Variants in CDH13 observed in about 807,000 individuals in gnomAD.
CDH13 encodes cadherin-13.
Under a neutral mutation model 63.8 loss-of-function variants are expected in CDH13, and 24 were observed. The ratio of observed to expected loss-of-function variants is 0.38; its 90% CI spans 0.27 to 0.53. CDH13 has a LOEUF of 0.53. Among genes scored for constraint, CDH13 ranks in the 20% least tolerant of loss-of-function variants. The pLI is 0.85. For missense variants in CDH13, 1,049 were observed against 903.1 expected, an observed-to-expected ratio of 1.16 and a Z score of -2.07; for synonymous variants, 503 against 355.3, an observed-to-expected ratio of 1.42 and a Z score of -4.67.
intron 5 of CDH13, among the ~76,000 whole-genome samples, chr16:83,253,701 C>G (rs1249191185): frequency 6.6e-6 from 1 of 152,214 alleles, no homozygotes; most frequent in Admixed American, 6.5e-5. Context: ...AGTTAATACA[C>G]AGGACATGCT....
intron 1 of CDH13, among the ~76,000 whole-genome samples, chr16:82,787,673 G>A (rs62034553): frequency 0.051 from 7,834 of 152,218 alleles, 255 homozygotes; most frequent in Middle Eastern, 0.11. Flanking sequence ...AGAGGTGAAT[G>A]GGCTTTCACA....
At chr16:83,512,506 A>G (rs942009399) in intron 7 of CDH13, among the ~76,000 whole-genome samples, 1 of 150,814 alleles carries the variant, frequency 6.6e-6, no homozygotes, top group Non-Finnish European at 1.5e-5. Flanking sequence ...GATCTCTACT[A>G]AAAATACAAA....
intron 1 of CDH13, among the ~76,000 whole-genome samples, chr16:82,763,643 A>G (rs1262673860): frequency 1.3e-5 from 2 of 152,250 alleles, no homozygotes; most frequent in African/African-American, 4.8e-5. Flanking sequence ...TGTCTTTTCA[A>G]TAGATATATA....
chr16:83,271,322 A>T (rs1207066081), intron 5 of CDH13, among the ~76,000 whole-genome samples: 1 of 147,530 alleles, frequency 6.8e-6, no homozygotes, highest in Non-Finnish European at 1.5e-5. Flanking sequence ...ATCAGGGCAG[A>T]TCCCAGGCTG....
At chr16:83,273,922 A>G (rs1480602397) in intron 5 of CDH13, among the ~76,000 whole-genome samples, 1 of 152,158 alleles carries the variant, frequency 6.6e-6, no homozygotes, top group African/African-American at 2.4e-5. Context: ...GCAGGACCTC[A>G]GAGCTCTTAA....
At chr16:83,297,385 C>T (rs1036473367) in intron 5 of CDH13, among the ~76,000 whole-genome samples, 29 of 151,852 alleles carry the variant, frequency 1.9e-4, no homozygotes, top group African/African-American at 6.5e-4. Flanking sequence ...TATTATGTGT[C>T]AATTAAAAAA....
At chr16:83,483,387 A>G (rs914971630) in intron 6 of CDH13, among the ~76,000 whole-genome samples, 1 of 152,062 alleles carries the variant, frequency 6.6e-6, no homozygotes, top group Non-Finnish European at 1.5e-5. Context: ...GTGTTACATC[A>G]TGTTATCCAA....
intron 8 of CDH13, among the ~76,000 whole-genome samples, chr16:83,636,967 T>C (rs1486710341): frequency 6.6e-6 from 1 of 152,210 alleles, no homozygotes; most frequent in African/African-American, 2.4e-5. Context: ...TGGTGTGAGA[T>C]GGTAACTCAT....
Position 83,750,976 on chromosome 16 carries a change from TAAA to T in CDH13, c.1681+2739_1681+2741del, listed in dbSNP as rs11297972. The stretch of plus-strand genomic sequence containing the variant: ...GTAGCAAGTGCTTAACTTAACTATT[TAAA>T]AAAAAAAAAAAACAGGTAAAGCATT... On this transcript the variant is annotated intron_variant, in intron 11 of 13. Coordinates refer to ENST00000567109, the MANE Select transcript of CDH13 (RefSeq NM_001257.5). Among the ~76,000 whole-genome samples the T allele has an allele frequency of 3.6e-3, 527 of 147,988 alleles. 4 individuals carry two copies. The highest frequency in any genetic ancestry group is 0.014 in the Middle Eastern group (4 of 286).
intron 3 of CDH13, among the ~76,000 whole-genome samples, chr16:83,061,899 A>G (rs2031586037): frequency 6.6e-6 from 1 of 152,202 alleles, no homozygotes; most frequent in African/African-American, 2.4e-5. Flanking sequence ...ACAATAGTCC[A>G]GGAGATGCTT....
chr16:83,589,409 C>A (rs923932583), intron 7 of CDH13, among the ~76,000 whole-genome samples: 2 of 149,080 alleles, frequency 1.3e-5, no homozygotes, highest in African/African-American at 5.0e-5. Context: ...CATCACCCAT[C>A]TACTCCCGCT....
intron 10 of CDH13, among the ~76,000 whole-genome samples, chr16:83,704,727 C>T (rs911667256): frequency 6.6e-6 from 1 of 152,170 alleles, no homozygotes; most frequent in African/African-American, 2.4e-5. Flanking sequence ...GCTCATTTTT[C>T]ACCAAACTGA....
intron 1 of CDH13, among the ~76,000 whole-genome samples, chr16:82,700,203 C>T (rs1257250019): frequency 6.6e-6 from 1 of 152,174 alleles, no homozygotes; most frequent in Non-Finnish European, 1.5e-5. Flanking sequence ...TTCTCAGAGG[C>T]TTTAATCTGT....
At chr16:82,725,797 G>A (rs371865559) in intron 1 of CDH13, among the ~76,000 whole-genome samples, 11 of 152,152 alleles carry the variant, frequency 7.2e-5, no homozygotes, top group African/African-American at 2.7e-4. Context: ...ATGATAGCAA[G>A]ACTTACTTAT....
intron 10 of CDH13, among the ~76,000 whole-genome samples, chr16:83,696,471 A>G (rs10514593): frequency 0.8 from 121,333 of 151,864 alleles, 48,604 homozygotes; most frequent in Middle Eastern, 0.88. Context: ...GACGTCCTTC[A>G]AGCCCACACT....
chr16:83,628,175 G>T (rs148355406), intron 8 of CDH13, among the ~76,000 whole-genome samples: 2 of 152,164 alleles, frequency 1.3e-5, no homozygotes, highest in African/African-American at 4.8e-5. Flanking sequence ...AACCGCCTGG[G>T]AACGCAGCCC....
At chr16:82,706,256 C>A (rs1282296090) in intron 1 of CDH13, among the ~76,000 whole-genome samples, 2 of 152,152 alleles carry the variant, frequency 1.3e-5, no homozygotes, top group African/African-American at 4.8e-5. Flanking sequence ...CTGAACAGGG[C>A]AGATGTGGTT....
At chr16:83,419,627 A>AG (rs2071655392) in intron 6 of CDH13, among the ~76,000 whole-genome samples, 1 of 152,214 alleles carries the variant, frequency 6.6e-6, no homozygotes, top group Non-Finnish European at 1.5e-5. Flanking sequence ...TCCTACATAG[A>AG]GGGGAATTTA....
At chr16:83,247,057 C>T (rs1186696048) in intron 5 of CDH13, among the ~76,000 whole-genome samples, 3 of 152,174 alleles carry the variant, frequency 2.0e-5, no homozygotes, top group Non-Finnish European at 4.4e-5. Flanking sequence ...AGAATGGATA[C>T]AGGACTGTTT....
Sources: allele counts gnomAD v4.1 joint callset (sites outside exome capture counted in the v4.1 genomes callset), GRCh38; gene constraint gnomAD v4.1.1; transcripts MANE v1.5; gene names NCBI Gene and HGNC (gene_info 2026-07-23, HGNC 2026-07-21).